The following SORCS1 variants were observed in gnomAD, a reference collection of about 807,000 sequenced individuals.
SORCS1 encodes VPS10 domain-containing receptor SorCS1.
In SORCS1, 60 loss-of-function variants were observed where a neutral mutation model predicts 146.1. That is an observed-to-expected ratio of 0.41 (90% confidence interval 0.33 to 0.51). The LOEUF is 0.51. Among genes scored for constraint, SORCS1 ranks in the 20% least tolerant of loss-of-function variants. The pLI, the probability that SORCS1 is intolerant of heterozygous loss-of-function variation, is 0.21. For missense variants in SORCS1, 1,352 were observed against 1,487.6 expected, an observed-to-expected ratio of 0.91 and a Z score of 1.50; for synonymous variants, 637 against 584.0, an observed-to-expected ratio of 1.09 and a Z score of -1.31.
At chr10:107,107,598 T>C (rs1965394664) in intron 1 of SORCS1, among the ~76,000 whole-genome samples, 1 of 152,210 alleles carries the variant, frequency 6.6e-6, no homozygotes, top group Non-Finnish European at 1.5e-5. Flanking sequence ...GCTCACCTAA[T>C]TGTATCTCCC....
At chr10:106,714,022 C>T (rs1342536123) in intron 6 of SORCS1, among the ~76,000 whole-genome samples, 5 of 148,676 alleles carry the variant, frequency 3.4e-5, no homozygotes, top group African/African-American at 7.4e-5. Flanking sequence ...ATCCCAGCTA[C>T]TTGGCTGGGA....
chr10:106,987,679 C>T (rs912530092), intron 1 of SORCS1, among the ~76,000 whole-genome samples: 1 of 152,076 alleles, frequency 6.6e-6, no homozygotes, highest in Non-Finnish European at 1.5e-5. Flanking sequence ...GTTGCTGATC[C>T]CTCTCCAGTG....
chr10:107,053,675 G>A (rs1343008980), intron 1 of SORCS1, among the ~76,000 whole-genome samples: 1 of 152,136 alleles, frequency 6.6e-6, no homozygotes, highest in Non-Finnish European at 1.5e-5. Flanking sequence ...TCTGCCTGGG[G>A]TAAAAGAAGA....
intron 17 of SORCS1, among the ~76,000 whole-genome samples, chr10:106,654,062 C>T (rs1161903792): frequency 6.6e-6 from 1 of 152,130 alleles, no homozygotes; most frequent in Non-Finnish European, 1.5e-5. Context: ...TCTCTTTCTG[C>T]TTCAGTGTCC....
At chr10:107,023,636 G>GT (rs955248109) in intron 1 of SORCS1, among the ~76,000 whole-genome samples, 79 of 152,158 alleles carry the variant, frequency 5.2e-4, no homozygotes, top group African/African-American at 1.9e-3. Flanking sequence ...GACTAATGAA[G>GT]TTTAAAACAA....
intron 3 of SORCS1, among the ~76,000 whole-genome samples, chr10:106,808,780 G>T (rs1947314768): frequency 6.6e-6 from 1 of 152,150 alleles, no homozygotes; most frequent in Non-Finnish European, 1.5e-5. Flanking sequence ...GGGATTACAG[G>T]CATGAGTCAC....
intron 17 of SORCS1, among the ~76,000 whole-genome samples, chr10:106,665,337 T>C (rs994726060): frequency 2.0e-5 from 3 of 151,406 alleles, no homozygotes; most frequent in African/African-American, 7.3e-5. Context: ...AAGGTTCCTA[T>C]CTCCTTACTT....
chr10:106,989,680 GTTTTTTT>G (rs761689988), intron 1 of SORCS1, among the ~76,000 whole-genome samples: 188 of 70,366 alleles, frequency 2.7e-3, no homozygotes, highest in African/African-American at 9.2e-3. Flanking sequence ...GTTTTTTTTT[GTTTTTTT>G]TTTTTTTTTT....
chr10:106,859,808 T>C (rs1269251016), intron 2 of SORCS1, among the ~76,000 whole-genome samples: 1 of 152,232 alleles, frequency 6.6e-6, no homozygotes, highest in African/African-American at 2.4e-5. Flanking sequence ...TGCTGCCATG[T>C]ATTACATTTA....
chr10:106,679,442 T>C (rs1355497125), intron 11 of SORCS1, 110 bp from the exon 12 acceptor site: 1 of 997,720 alleles, frequency 1.0e-6, no homozygotes, highest in African/African-American at 1.6e-5. Flanking sequence ...GCATTCTGTC[T>C]GTGCAGGGGT....
At chr10:106,679,762 A>G (rs772101244) in intron 10 of SORCS1, 28 bp from the exon 11 acceptor site, 2 of 1,526,808 alleles carry the variant, frequency 1.3e-6, no homozygotes, top group South Asian at 2.3e-5. Flanking sequence ...AAGTGCCACA[A>G]AATCACATAA....
intron 1 of SORCS1, among the ~76,000 whole-genome samples, chr10:107,078,749 C>G (rs192295834): frequency 6.6e-6 from 1 of 152,186 alleles, no homozygotes; most frequent in African/African-American, 2.4e-5. Flanking sequence ...AAACTACAAC[C>G]CATATTTCCT....
intron 17 of SORCS1, among the ~76,000 whole-genome samples, chr10:106,660,180 G>A (rs1022551239): frequency 1.3e-5 from 2 of 152,210 alleles, no homozygotes; most frequent in African/African-American, 4.8e-5. Context: ...AAGCTCCAGA[G>A]ACACTGGAAA....
intron 21 of SORCS1, among the ~76,000 whole-genome samples, chr10:106,612,327 C>T (rs1385537130): frequency 8.0e-6 from 1 of 124,836 alleles, no homozygotes. Context: ...CCCCCCCAGA[C>T]TACCCCTGGC....
chr10:106,946,287 T>C (rs1185558347), intron 2 of SORCS1, among the ~76,000 whole-genome samples: 1 of 152,172 alleles, frequency 6.6e-6, no homozygotes, highest in South Asian at 2.1e-4. Context: ...AAATAAGACA[T>C]GGTCATAGTC....
chr10:106,912,678 G>GTTTGT (rs954101118), intron 2 of SORCS1, among the ~76,000 whole-genome samples: 44 of 151,938 alleles, frequency 2.9e-4, no homozygotes, highest in African/African-American at 9.7e-4. Flanking sequence ...TTTTTTGTTT[G>GTTTGT]TTTGTTTTGT....
chr10:106,620,473 T>C lies in SORCS1; in HGVS notation c.2751A>G (p.Gln917=), dbSNP rs778923401. The change falls in exon 20 of 26, where the codon CAA becomes CAG. Residue 917 remains glutamine (Q), a synonymous_variant. Coordinates refer to ENST00000263054, the MANE Select transcript of SORCS1 (RefSeq NM_052918.5). ...VNATAVLWPS[Q]VGTLTYVWWY... ...ACCACACGTAAGTGAGGGTGCCCAC[T>C]TGGCTGGGCCACAGCACTGCCGTCG... is the stretch of plus-strand genomic sequence containing the variant. 6.2e-7 allele frequency: 1 copy of C among 1,614,086 alleles called. No individual in the cohort carries two copies. Among genetic ancestry groups the C allele is most frequent in the South Asian group, 1.1e-5 (1 of 91,070 alleles).
intron 2 of SORCS1, among the ~76,000 whole-genome samples, chr10:106,951,336 C>A (rs1451163637): frequency 1.3e-5 from 2 of 151,862 alleles, no homozygotes; most frequent in Non-Finnish European, 2.9e-5. Context: ...ATGGTGAAAC[C>A]CCGTCTCTAC....
At chr10:107,116,724 T>A (rs1966063272) in intron 1 of SORCS1, among the ~76,000 whole-genome samples, 1 of 152,136 alleles carries the variant, frequency 6.6e-6, no homozygotes, top group Non-Finnish European at 1.5e-5. Flanking sequence ...AGGGATCAAG[T>A]CTATGGCAAG....
Sources: gnomAD v4.1 joint callset for allele counts (sites outside exome capture counted in the v4.1 genomes callset) on GRCh38, gnomAD v4.1.1 for gene constraint, MANE v1.5 for transcripts, NCBI Gene and HGNC (gene_info 2026-07-23, HGNC 2026-07-21) for gene names.